The following DGKI variants were observed in gnomAD, a reference collection of about 807,000 sequenced individuals.
The protein encoded by DGKI is DAG kinase iota.
In DGKI, 55 loss-of-function variants were observed where a neutral mutation model predicts 147.5. The observed-to-expected ratio is 0.37, with a 90% CI of 0.30 to 0.47. The LOEUF is 0.47. Among genes scored for constraint, DGKI ranks in the 20% least tolerant of loss-of-function variants. The pLI is 1.00. For missense variants in DGKI, 1,007 were observed against 1,323.8 expected, an observed-to-expected ratio of 0.76 and a Z score of 3.71; for synonymous variants, 469 against 477.1, an observed-to-expected ratio of 0.98 and a Z score of 0.22.
chr7:137,411,814 G>T (rs940830843), intron 29 of DGKI, among the ~76,000 whole-genome samples: 9 of 152,156 alleles, frequency 5.9e-5, no homozygotes, highest in Non-Finnish European at 1.0e-4. Context: ...TTAATCTCTG[G>T]CCTGAAGGAT....
chr7:137,710,823 A>G (rs1490970764), intron 1 of DGKI, among the ~76,000 whole-genome samples: 2 of 152,150 alleles, frequency 1.3e-5, no homozygotes, highest in Non-Finnish European at 2.9e-5. Flanking sequence ...CAAAAACACC[A>G]TGAAGAAGGT....
intron 1 of DGKI, among the ~76,000 whole-genome samples, chr7:137,696,937 G>A (rs1563155233): frequency 2.0e-5 from 3 of 152,068 alleles, no homozygotes; most frequent in Non-Finnish European, 4.4e-5. Flanking sequence ...ACACACATAG[G>A]GAGAAAGCCA....
At chr7:137,483,898 C>A (rs1338020739) in intron 23 of DGKI, among the ~76,000 whole-genome samples, 1 of 151,874 alleles carries the variant, frequency 6.6e-6, no homozygotes, top group African/African-American at 2.4e-5. Context: ...AAGCACTATG[C>A]TTTTTAAAAT....
At chr7:137,739,792 A>T (rs1795126470) in intron 1 of DGKI, among the ~76,000 whole-genome samples, 1 of 152,088 alleles carries the variant, frequency 6.6e-6, no homozygotes, top group Non-Finnish European at 1.5e-5. Flanking sequence ...TGTTTTTCTT[A>T]TTTGTCAATA....
chr7:137,498,102 T>C (rs1816036961), intron 21 of DGKI, among the ~76,000 whole-genome samples: 1 of 151,426 alleles, frequency 6.6e-6, no homozygotes, highest in Non-Finnish European at 1.5e-5. Flanking sequence ...ACAAAGAATA[T>C]GAAGGAAAAC....
intron 1 of DGKI, among the ~76,000 whole-genome samples, chr7:137,715,812 A>G (rs901303609): frequency 7.2e-5 from 11 of 152,308 alleles, no homozygotes; most frequent in African/African-American, 2.6e-4. Flanking sequence ...TCAGAAAGGG[A>G]GTGAATTCTG....
Position 137,552,493 on chromosome 7 carries a change from T to C in DGKI, c.2023A>G (p.Ile675Val), listed in dbSNP as rs767962939. 1 of 1,614,140 alleles carries C rather than the reference T, an allele frequency of 6.2e-7. No homozygotes were observed. The highest frequency in any genetic ancestry group is 1.1e-5 in the South Asian group (1 of 91,068). Reference sequence around the variant, plus strand: ...GGCTCCCCATCCACTTGCATGGGGATGGATTTGTAAGTTAGAAGCATGACT... The same window carrying C: ...GGCTCCCCATCCACTTGCATGGGGACGGATTTGTAAGTTAGAAGCATGACT... ...REVMLLTYKS[I>V]PMQVDGEPCR... Residue 675 changes from isoleucine (I) to valine (V), a missense_variant, in exon 20 of 33, where the codon ATC (isoleucine) becomes GTC (valine). By Grantham distance (29) the Ile-to-Val change is conservative. This residue lies in a region of DGKI where 224 missense variants were observed against 382.7 expected (regional missense o/e 0.59). Transcript: ENST00000614521.
chr7:137,672,883 C>A (rs111276421), intron 3 of DGKI, among the ~76,000 whole-genome samples: 1 of 148,340 alleles, frequency 6.7e-6, no homozygotes, highest in African/African-American at 2.5e-5. Context: ...TGGGTTCAAG[C>A]GATTCTCCTG....
intron 27 of DGKI, among the ~76,000 whole-genome samples, chr7:137,458,577 G>T (rs968147135): frequency 8.5e-5 from 13 of 152,092 alleles, no homozygotes; most frequent in African/African-American, 2.9e-4. Flanking sequence ...CCCTTTACCT[G>T]CCTGCTCTTA....
Position 137,674,831 on chromosome 7 carries a change from C to T in DGKI, c.606+3726G>A, listed in dbSNP as rs139594673. On this transcript the variant is annotated intron_variant, in intron 3 of 32. Transcript: ENST00000614521. ...ATTTCCATGAAGCTGCCTCTGTCTG[C>T]TTCAACCCACACTGACTTCTTCCTT... Among the ~76,000 whole-genome samples, 449 of 152,282 alleles carry T rather than the reference C, an allele frequency of 2.9e-3. 3 individuals carry two copies. The highest frequency in any genetic ancestry group is 9.8e-3 in the African/African-American group (407 of 41,568).
chr7:137,697,138 C>T (rs1044563372), intron 1 of DGKI, among the ~76,000 whole-genome samples: 1 of 152,160 alleles, frequency 6.6e-6, no homozygotes, highest in African/African-American at 2.4e-5. Context: ...GTTGTTTAAA[C>T]CACTCAATGT....
At chr7:137,820,971 G>A (rs1440043407) in intron 1 of DGKI, among the ~76,000 whole-genome samples, 4 of 152,164 alleles carry the variant, frequency 2.6e-5, no homozygotes, top group Admixed American at 2.0e-4. Context: ...CAGCCCTAGA[G>A]GGGGAGAGCA....
intron 21 of DGKI, among the ~76,000 whole-genome samples, chr7:137,494,968 T>C (rs760494480): frequency 6.6e-6 from 1 of 151,828 alleles, no homozygotes; most frequent in East Asian, 1.9e-4. Context: ...ACCAAGCAGA[T>C]AGAAAACAGA....
intron 6 of DGKI, among the ~76,000 whole-genome samples, chr7:137,637,217 C>A (rs1821344300): frequency 2.6e-5 from 4 of 152,318 alleles, no homozygotes; most frequent in Admixed American, 2.6e-4. Context: ...TACTTCCTTA[C>A]CGGTGTCACT....
At chr7:137,800,119 T>C (rs949227258) in intron 1 of DGKI, among the ~76,000 whole-genome samples, 4 of 152,132 alleles carry the variant, frequency 2.6e-5, no homozygotes, top group African/African-American at 4.8e-5. Flanking sequence ...GGGATTCCAA[T>C]TTCCCCCCTA....
chr7:137,781,744 GT>G (rs1249175107), intron 1 of DGKI, among the ~76,000 whole-genome samples: 1 of 152,186 alleles, frequency 6.6e-6, no homozygotes, highest in Non-Finnish European at 1.5e-5. Context: ...GTTTTGTTTT[GT>G]TTTTTAATTG....
chr7:137,420,304 G>T (rs1456231699), intron 28 of DGKI, among the ~76,000 whole-genome samples: 1 of 152,184 alleles, frequency 6.6e-6, no homozygotes, highest in Non-Finnish European at 1.5e-5. Context: ...AGGAGAGAGA[G>T]CGTAGATCCC....
intron 1 of DGKI, among the ~76,000 whole-genome samples, chr7:137,811,696 A>C (rs193192397): frequency 9.7e-4 from 148 of 152,312 alleles, no homozygotes; most frequent in African/African-American, 3.5e-3. Flanking sequence ...CCCAAATCAC[A>C]ATGGTTAAAG....
chr7:137,603,679 G>A (rs1176326231), intron 10 of DGKI, among the ~76,000 whole-genome samples: 5 of 152,204 alleles, frequency 3.3e-5, no homozygotes, highest in Non-Finnish European at 5.9e-5. Context: ...TGAGAGATTA[G>A]AAGGCGTTGT....
Sources: allele counts gnomAD v4.1 joint callset (sites outside exome capture counted in the v4.1 genomes callset), GRCh38; gene constraint gnomAD v4.1.1; regional missense constraint gnomAD v4.1.1; transcripts MANE v1.5; gene names NCBI Gene and HGNC (gene_info 2026-07-23, HGNC 2026-07-21).